Variants in TRAFD1 observed in about 807,000 individuals in gnomAD.
The protein encoded by TRAFD1 is TRAF-type zinc finger domain-containing protein 1.
TRAFD1 carries 38 observed loss-of-function variants against 65.3 expected under a neutral mutation model. The observed-to-expected ratio is 0.58, with a 90% CI of 0.45 to 0.76. The LOEUF (loss-of-function observed/expected upper bound fraction) is 0.76, where lower values mean the gene tolerates loss of function less well. Among genes scored for constraint, TRAFD1 ranks in the 30% least tolerant of loss-of-function variants. The pLI is 0.00. For synonymous variants in TRAFD1, 223 were observed against 257.2 expected (o/e 0.87, Z 1.27); for missense variants, 631 against 712.6 (o/e 0.89, Z 1.30).
At position 112,149,498 on chromosome 12, in the gene TRAFD1, T is replaced by A. The variant is rs534023449; in HGVS notation, c.1159-253T>A. The A allele has an allele frequency of 3.7e-5, 13 of 348,444 alleles. No homozygotes were observed. In the South Asian group the frequency reaches 5.8e-4, roughly 16 times the overall value. The allele number at this position is 348,444 out of a possible 1,614,324, so 21.6% of individuals were successfully genotyped here. The stretch of plus-strand genomic sequence containing the variant: ...AAAACAGAAAAAAAAAAGAAATAAA[T>A]GTTTTTCTGGGCTCCAAGATCAGCC... On this transcript the variant is annotated intron_variant, in intron 8 of 11. Transcript: ENST00000412615.
intron 6 of TRAFD1, 50 bp from the exon 7 acceptor site, chr12:112,145,536 C>T: frequency 6.3e-7 from 1 of 1,585,004 alleles, no homozygotes; most frequent in Non-Finnish European, 8.6e-7. Context: ...AAGTTAAATT[C>T]AAGTTTGTTT....
Position 112,142,277 on chromosome 12 carries a change from T to G in TRAFD1, c.832T>G (p.Ser278Ala). Reference sequence around the variant, plus strand: ...CGACCAGTCTCATGGCGGTCCCAGGTCTCTCAGTGACATAAAGGGTAGGCT... The same window carrying G: ...CGACCAGTCTCATGGCGGTCCCAGGGCTCTCAGTGACATAAAGGGTAGGCT... ...EADQSHGGPR[S>A]LSDIKGAADE... The change falls in exon 6 of 12, where the codon TCT becomes GCT. Residue 278 changes from serine (S) to alanine (A), a missense_variant. Ser to Ala is a moderately conservative substitution (Grantham distance 99). Coordinates refer to ENST00000412615, the MANE Select transcript of TRAFD1 (RefSeq NM_006700.3). The G allele has an allele frequency of 6.2e-7, 1 of 1,613,566 alleles. No individual in the cohort carries two copies. The highest frequency in any genetic ancestry group is 8.5e-7 in the Non-Finnish European group (1 of 1,179,588).
chr12:112,133,176 A>G (rs1248275642), intron 2 of TRAFD1: 1 of 152,210 alleles, frequency 6.6e-6, no homozygotes, highest in Non-Finnish European at 1.5e-5. Context: ...ACTAAGTGAG[A>G]AAGGCAAAAA....
At chr12:112,131,376 T>A (rs2079565507) in intron 2 of TRAFD1, among the ~76,000 whole-genome samples, 5 of 152,192 alleles carry the variant, frequency 3.3e-5, no homozygotes, top group Admixed American at 3.3e-4. Flanking sequence ...ATCTCAAGCC[T>A]AGGACAAAAT....
At chr12:112,143,660 T>C (rs2136977499) in intron 6 of TRAFD1, among the ~76,000 whole-genome samples, 1 of 152,310 alleles carries the variant, frequency 6.6e-6, no homozygotes, top group Middle Eastern at 3.4e-3. Context: ...TTTGATCCTT[T>C]TCCTCATTGT....
intron 4 of TRAFD1, among the ~76,000 whole-genome samples, chr12:112,136,425 G>A (rs1458730881): frequency 6.6e-6 from 1 of 151,624 alleles, no homozygotes; most frequent in Non-Finnish European, 1.5e-5. Context: ...GGTTATAGGC[G>A]TGCTCTACCA....
chr12:112,126,323 T>C (rs1486539962), intron 1 of TRAFD1, among the ~76,000 whole-genome samples: 3 of 152,154 alleles, frequency 2.0e-5, no homozygotes, highest in Non-Finnish European at 4.4e-5. Flanking sequence ...TAGAGAGATC[T>C]AGCTGACCCC....
Position 112,143,702 on chromosome 12 carries a change from C to T in TRAFD1, c.850+1407C>T, listed in dbSNP as rs183659474. Among the ~76,000 whole-genome samples the T allele has an allele frequency of 6.0e-5, 9 of 148,932 alleles. No homozygotes were observed. In the East Asian group the frequency reaches 1.6e-3, roughly 26 times the overall value. ...TAATTTTTAAAATAATCTTTTGTTC[C>T]ATAGTCATATTACAGTTCCCGCTTT... On this transcript the variant is annotated intron_variant, in intron 6 of 11. Transcript: ENST00000412615.
intron 8 of TRAFD1, chr12:112,149,269 C>T (rs1461116440): frequency 6.6e-6 from 1 of 152,140 alleles, no homozygotes; most frequent in Non-Finnish European, 1.5e-5. Context: ...TGGGATCAAA[C>T]AGTAGATAAG....
intron 7 of TRAFD1, among the ~76,000 whole-genome samples, chr12:112,146,181 A>AG (rs1426401502): frequency 6.6e-6 from 1 of 150,454 alleles, no homozygotes; most frequent in Non-Finnish European, 1.5e-5. Context: ...ATAATAAAAA[A>AG]AAGAAGAAGA....
At position 112,135,025 on chromosome 12, in the gene TRAFD1, T is replaced by C; in HGVS notation, c.196T>C (p.Cys66Arg). The C allele has an allele frequency of 6.2e-7, 1 of 1,614,196 alleles. No homozygotes were observed. Among genetic ancestry groups the C allele is most frequent in the Non-Finnish European group, 8.5e-7 (1 of 1,180,024 alleles). Residue 66 changes from cysteine to arginine, a missense_variant, in exon 4 of 12, where the codon TGT becomes CGT. Physicochemically the swap from Cys to Arg is radical, Grantham distance 180 (BLOSUM62 -3). Transcript: ENST00000412615. ...CTTCTTACTCTAGGTGACCTGCAAA[T>C]GTAACAAGAAGTTGGAGAAGAGGCT... ...AAEHCQVTCK[C>R]NKKLEKRLLK...
chr12:112,141,709 A>G (rs567385544), intron 5 of TRAFD1, among the ~76,000 whole-genome samples: 4 of 152,274 alleles, frequency 2.6e-5, no homozygotes, highest in East Asian at 3.9e-4. Context: ...AACTCATTTA[A>G]TTCTCTCATT....
chr12:112,145,309 C>T (rs1319649012), intron 6 of TRAFD1, among the ~76,000 whole-genome samples: 1 of 152,134 alleles, frequency 6.6e-6, no homozygotes, highest in Non-Finnish European at 1.5e-5. Flanking sequence ...ACATTTAAAT[C>T]GCTTCCTTAG....
chr12:112,135,894 G>C (rs2079597537), intron 4 of TRAFD1, among the ~76,000 whole-genome samples: 1 of 146,318 alleles, frequency 6.8e-6, no homozygotes, highest in African/African-American at 2.5e-5. Flanking sequence ...TGTAATCCCA[G>C]CACTTTGAGA....
chr12:112,140,419 CAA>C (rs548396276), intron 4 of TRAFD1, among the ~76,000 whole-genome samples: 26 of 69,160 alleles, frequency 3.8e-4, no homozygotes, highest in East Asian at 1.2e-3. Context: ...GACACTGTCT[CAA>C]AAAAAAAAAA....
intron 6 of TRAFD1, among the ~76,000 whole-genome samples, chr12:112,144,287 TGAGACA>T (rs2030176946): frequency 6.6e-6 from 1 of 151,530 alleles, no homozygotes; most frequent in Non-Finnish European, 1.5e-5. Context: ...TTTTTTTTCT[TGAGACA>T]GAGTCTCCCT....
intron 7 of TRAFD1, among the ~76,000 whole-genome samples, chr12:112,147,312 G>T (rs1268220660): frequency 6.6e-6 from 1 of 151,946 alleles, no homozygotes; most frequent in East Asian, 1.9e-4. Context: ...GGAACTTCTT[G>T]TTCCCTCAAT....
chr12:112,131,500 A>G (rs2079565999), intron 2 of TRAFD1, among the ~76,000 whole-genome samples: 1 of 152,234 alleles, frequency 6.6e-6, no homozygotes, highest in South Asian at 2.1e-4. Flanking sequence ...TAGAAGGCTG[A>G]CTAAACCTGT....
At position 112,130,582 on chromosome 12, in the gene TRAFD1, A is replaced by C. The variant is rs2079562792; in HGVS notation, c.47+13A>C. 6.2e-7 allele frequency: 1 copy of C among 1,609,286 alleles called. No individual in the cohort carries two copies. Among genetic ancestry groups the C allele is most frequent in the African/African-American group, 1.3e-5 (1 of 74,844 alleles). ...TGTGTGACAACTGGTAAGACATTAA[A>C]TCTAAGAAATGTTAGTGGAATGAGG... On this transcript the variant is annotated intron_variant, in intron 2 of 11. Coordinates refer to ENST00000412615, the MANE Select transcript of TRAFD1 (RefSeq NM_006700.3). The surrounding 1 kb of genome is among the most constrained non-coding windows in gnomAD (Gnocchi z 4.4).
Sources: gnomAD v4.1 joint callset for allele counts (sites outside exome capture counted in the v4.1 genomes callset) on GRCh38, gnomAD v4.1.1 for gene constraint, Gnocchi (gnomAD v3.1) non-coding constraint, MANE v1.5 for transcripts, NCBI Gene and HGNC (gene_info 2026-07-23, HGNC 2026-07-21) for gene names.